The following MAGEH1 variants were observed in gnomAD, a reference collection of about 807,000 sequenced individuals.
MAGEH1 encodes the protein melanoma-associated antigen H1.
For missense variants in MAGEH1, 152 were observed against 183.0 expected (o/e 0.83, Z 0.98); for synonymous variants, 79 against 70.3 (o/e 1.12, Z -0.62).
At position 55,452,344 on chromosome X, in the gene MAGEH1, T is replaced by C; in HGVS notation, c.-31T>C. Reference sequence around the variant, plus strand: ...GGCTACAAGCATCCTTCCCTAGGACTGCTGTAAGCTTTGAGCCTCTAGCAG... The same window carrying C: ...GGCTACAAGCATCCTTCCCTAGGACCGCTGTAAGCTTTGAGCCTCTAGCAG... On this transcript the variant is annotated 5_prime_UTR_variant, in exon 1 of 1. Transcript: ENST00000342972. 8.9e-7 allele frequency: 1 copy of C among 1,124,968 alleles called. No individual in the cohort carries two copies. Among genetic ancestry groups the C allele is most frequent in the African/African-American group, 1.8e-5 (1 of 54,729 alleles). The allele number at this position is 1,124,968 out of a possible 1,213,427, so 92.7% of individuals were successfully genotyped here.
chrX:55,452,740 T>C lies in MAGEH1; in HGVS notation c.366T>C (p.Pro122=), dbSNP rs375199093. 36 of 1,211,833 alleles carry C rather than the reference T, an allele frequency of 3.0e-5. No homozygotes were observed. Among genetic ancestry groups the C allele is most frequent in the Non-Finnish European group, 4.0e-5 (36 of 895,547 alleles). ...WKVLGKLGMQ[P]GRQHSIFGDP... ...TGCTGGGGAAGTTAGGAATGCAGCC[T>C]GGACGTCAGCACAGCATCTTTGGAG... is the stretch of plus-strand genomic sequence containing the variant. Residue 122 remains proline (P), a synonymous_variant, in exon 1 of 1, where the codon CCT becomes CCC. Transcript: ENST00000342972.
rs149252179 is a variant in MAGEH1, at chrX:55,453,392, G to T, written c.*358G>T. ...TCTTGTACAGCACTTATAGAAATAA[G>T]CTGTTCTTTTGAAGTTGAAATACCC... On this transcript the variant is annotated 3_prime_UTR_variant, in exon 1 of 1. Coordinates refer to ENST00000342972, the MANE Select transcript of MAGEH1 (RefSeq NM_014061.5). 133 of 160,160 alleles carry T rather than the reference G, an allele frequency of 8.3e-4. No homozygotes were observed. Among genetic ancestry groups the T allele is most frequent in the African/African-American group, 3.8e-3 (122 of 32,287 alleles). The allele number at this position is 160,160 out of a possible 1,213,427, so 13.2% of individuals were successfully genotyped here.
rs1309117764 is a variant in MAGEH1, at chrX:55,452,839, T to G, written c.465T>G (p.Ser155Arg). ...TTTATAAACCGGTGCCCCGTAGCAG[T>G]CCGGTGGAGTATGAGTTCTTCTGGG... Reference protein sequence around the residue: ...YLIYKPVPRSSPVEYEFFWGP... With the variant: ...YLIYKPVPRSRPVEYEFFWGP... The change falls in exon 1 of 1, where the codon AGT becomes AGG. Residue 155 changes from serine to arginine, a missense_variant. Physicochemically the swap from Ser to Arg is moderately radical, Grantham distance 110 (BLOSUM62 -1). Transcript: ENST00000342972. 4 of 1,209,132 alleles carry G rather than the reference T, an allele frequency of 3.3e-6. No homozygotes were observed. The highest frequency in any genetic ancestry group is 4.5e-6 in the Non-Finnish European group (4 of 895,017).
rs1256808443 is a variant in MAGEH1 at position 55,453,211 on chromosome X, G to GA, written c.*181dup. The GA allele has an allele frequency of 1.0e-5, 4 of 387,961 alleles. No individual in the cohort carries two copies. Among genetic ancestry groups the GA allele is most frequent in the Non-Finnish European group, 1.8e-5 (4 of 226,998 alleles). 32.0% of individuals were successfully genotyped at this position (387,961 alleles called of 1,213,427 possible). A position where few individuals can be genotyped will look rare whatever the true frequency, so the allele number is the denominator to read the frequency against. On this transcript the variant is annotated 3_prime_UTR_variant, in exon 1 of 1. Coordinates refer to ENST00000342972, the MANE Select transcript of MAGEH1 (RefSeq NM_014061.5). ...AATAGAGTGTTTGCTTTTGATAATG[G>GA]AAAATTGTATTCGTTTTAAAATTCC...
chrX:55,453,281 T>C lies in MAGEH1; in HGVS notation c.*247T>C. The C allele has an allele frequency of 2.8e-6, 1 of 353,697 alleles. No homozygotes were observed. The highest frequency in any genetic ancestry group is 5.0e-6 in the Non-Finnish European group (1 of 199,266). 29.1% of individuals were successfully genotyped at this position (353,697 alleles called of 1,213,427 possible). ...ATGTTTAAAAATATAATTGAACAAA[T>C]TTTTTTCTTTGTTTCCTGTCATTGA... On this transcript the variant is annotated 3_prime_UTR_variant, in exon 1 of 1. Transcript: ENST00000342972.
chrX:55,452,505 C>T lies in MAGEH1; in HGVS notation c.131C>T (p.Pro44Leu). Residue 44 changes from proline (P) to leucine (L), a missense_variant, in exon 1 of 1, where the codon CCC becomes CTC. Physicochemically the swap from Pro to Leu is moderately conservative, Grantham distance 98 (BLOSUM62 -3). Transcript: ENST00000342972. ...PMAASVVAST[P>L]EDDLSGPEED... ...GCCGCCTCTGTGGTAGCGAGCACCC[C>T]CGAAGACGACCTGAGCGGCCCCGAG... The T allele has an allele frequency of 8.3e-7, 1 of 1,209,641 alleles. No homozygotes were observed. The highest frequency in any genetic ancestry group is 1.1e-6 in the Non-Finnish European group (1 of 894,806).
Position 55,453,110 on chromosome X carries a change from G to C in MAGEH1, c.*76G>C, listed in dbSNP as rs1207533342. ...CAAGGAGTAGATGCCAGGGTCCTAA[G>C]TTGAAAATGATGTCGATTGGGGGCG... On this transcript the variant is annotated 3_prime_UTR_variant, in exon 1 of 1. Coordinates refer to ENST00000342972, the MANE Select transcript of MAGEH1 (RefSeq NM_014061.5). 3.1e-6 allele frequency: 3 copies of C among 957,183 alleles called. No homozygotes were observed. Among genetic ancestry groups the C allele is most frequent in the Admixed American group, 6.1e-5 (2 of 32,810 alleles). The allele number at this position is 957,183 out of a possible 1,213,427, so 78.9% of individuals were successfully genotyped here. A position where few individuals can be genotyped will look rare whatever the true frequency, so the allele number is the denominator to read the frequency against.
chrX:55,453,039 A>G lies in MAGEH1; in HGVS notation c.*5A>G. 8.3e-7 allele frequency: 1 copy of G among 1,205,124 alleles called. No individual in the cohort carries two copies. The highest frequency in any genetic ancestry group is 1.1e-6 in the Non-Finnish European group (1 of 891,312). On this transcript the variant is annotated 3_prime_UTR_variant, in exon 1 of 1. Transcript: ENST00000342972. The stretch of plus-strand genomic sequence containing the variant: ...AGGGGTTATTCCGCCCCTTAAGTAG[A>G]TCTGAGGCAGACCCTTGGGGGTGTA...
Position 55,452,448 on chromosome X carries a change from T to G in MAGEH1, c.74T>G (p.Ile25Ser). The change falls in exon 1 of 1, where the codon ATC becomes AGC. Residue 25 changes from isoleucine (I) to serine (S), a missense_variant. Coordinates refer to ENST00000342972, the MANE Select transcript of MAGEH1 (RefSeq NM_014061.5). ...AAEENRNNRK[I>S]QASEASETPM... ...GAAGAGAACCGCAACAATCGCAAAA[T>G]CCAGGCCTCAGAGGCCTCCGAGACC... The G allele has an allele frequency of 8.4e-7, 1 of 1,188,736 alleles. No homozygotes were observed. Among genetic ancestry groups the G allele is most frequent in the South Asian group, 1.9e-5 (1 of 53,880 alleles).
Position 55,452,658 on chromosome X carries a change from T to C in MAGEH1, c.284T>C (p.Ile95Thr). The C allele has an allele frequency of 8.3e-7, 1 of 1,211,551 alleles. No homozygotes were observed. The highest frequency in any genetic ancestry group is 1.1e-6 in the Non-Finnish European group (1 of 895,485). The change falls in exon 1 of 1, where the codon ATA becomes ACA. Residue 95 changes from isoleucine to threonine, a missense_variant. Ile to Thr is a moderately conservative substitution (Grantham distance 89). Coordinates refer to ENST00000342972, the MANE Select transcript of MAGEH1 (RefSeq NM_014061.5). ...ACCAAGAAAAGTCTCCTGATGTCTA[T>C]ATTAGCGCTCATCTTCATCATGGGC... ...QGTKKSLLMSILALIFIMGNS... is the reference protein window; with the variant it reads ...QGTKKSLLMSTLALIFIMGNS...
In MAGEH1 at chrX:55,452,434, C is replaced by G. The variant is rs2031189676; in HGVS notation, c.60C>G (p.Arg20=). 3 of 1,180,122 alleles carry G rather than the reference C, an allele frequency of 2.5e-6. No individual in the cohort carries two copies. The highest frequency in any genetic ancestry group is 3.4e-6 in the Non-Finnish European group (3 of 883,633). ...ATGCGAGAGCCGCAGAAGAGAACCG[C>G]AACAATCGCAAAATCCAGGCCTCAG... The part of the protein sequence containing the change: ...RRNARAAEEN[R]NNRKIQASEA... Residue 20 remains arginine (R), a synonymous_variant, in exon 1 of 1, where the codon CGC becomes CGG. Coordinates refer to ENST00000342972, the MANE Select transcript of MAGEH1 (RefSeq NM_014061.5).
rs746007934 is a variant in MAGEH1 at position 55,452,832 on chromosome X, G to A, written c.458G>A (p.Arg153His). Residue 153 changes from arginine to histidine, a missense_variant, in exon 1 of 1, where the codon CGT becomes CAT. By Grantham distance (29) the Arg-to-His change is conservative (BLOSUM62 0). Coordinates refer to ENST00000342972, the MANE Select transcript of MAGEH1 (RefSeq NM_014061.5). ...RGYLIYKPVP[R>H]SSPVEYEFFW... ...TACCTGATTTATAAACCGGTGCCCC[G>A]TAGCAGTCCGGTGGAGTATGAGTTC... The A allele has an allele frequency of 1.7e-6, 2 of 1,211,512 alleles. No homozygotes were observed. Among genetic ancestry groups the A allele is most frequent in the East Asian group, 3.0e-5 (1 of 33,833 alleles).
rs773778910 is a variant in MAGEH1 at position 55,453,070 on chromosome X, G to C, written c.*36G>C. 3 of 1,154,419 alleles carry C rather than the reference G, an allele frequency of 2.6e-6. No individual in the cohort carries two copies. In the African/African-American group the frequency reaches 5.4e-5, roughly 21 times the overall value. ...GGCAGACCCTTGGGGGTGTAAAAGA[G>C]AGTCACAGGTACCCCAAGGAGTAGA... On this transcript the variant is annotated 3_prime_UTR_variant, in exon 1 of 1. Transcript: ENST00000342972.
Position 55,453,456 on chromosome X carries a change from C to A in MAGEH1, c.*422C>A. 1 of 133,971 alleles carries A rather than the reference C, an allele frequency of 7.5e-6. No individual in the cohort carries two copies. The highest frequency in any genetic ancestry group is 1.7e-5 in the Non-Finnish European group (1 of 59,940). 11.0% of individuals were successfully genotyped at this position (133,971 alleles called of 1,213,427 possible). A position where few individuals can be genotyped will look rare whatever the true frequency, so the allele number is the denominator to read the frequency against. On this transcript the variant is annotated 3_prime_UTR_variant, in exon 1 of 1. Coordinates refer to ENST00000342972, the MANE Select transcript of MAGEH1 (RefSeq NM_014061.5). ...AGAAGGATGGAGGATTTCTTCATAT[C>A]TGACGTTTCTGAAACCCTTTGTGTC...
Position 55,453,282 on chromosome X carries a change from T to G in MAGEH1, c.*248T>G, listed in dbSNP as rs990262282. On this transcript the variant is annotated 3_prime_UTR_variant, in exon 1 of 1. Transcript: ENST00000342972. Reference sequence around the variant, plus strand: ...TGTTTAAAAATATAATTGAACAAATTTTTTTCTTTGTTTCCTGTCATTGAC... The same window carrying G: ...TGTTTAAAAATATAATTGAACAAATGTTTTTCTTTGTTTCCTGTCATTGAC... The G allele has an allele frequency of 9.6e-5, 34 of 353,473 alleles. No individual in the cohort carries two copies. The highest frequency in any genetic ancestry group is 1.4e-4 in the Non-Finnish European group (28 of 199,778). 29.1% of individuals were successfully genotyped at this position (353,473 alleles called of 1,213,427 possible). A position where few individuals can be genotyped will look rare whatever the true frequency, so the allele number is the denominator to read the frequency against.
chrX:55,452,938 T>G lies in MAGEH1; in HGVS notation c.564T>G (p.Ser188=), dbSNP rs267606487. ...TGGCAAGGGTTCGTAACCGATGCTC[T>G]AAAGACTGGCCTTGTAATTATGACT... ...HFVARVRNRC[S]KDWPCNYDWD... Residue 188 remains serine (S), a synonymous_variant, in exon 1 of 1, where the codon TCT becomes TCG. Coordinates refer to ENST00000342972, the MANE Select transcript of MAGEH1 (RefSeq NM_014061.5). 8.3e-7 allele frequency: 1 copy of G among 1,211,653 alleles called. No individual in the cohort carries two copies.
chrX:55,452,784 C>T lies in MAGEH1; in HGVS notation c.410C>T (p.Thr137Ile). The T allele has an allele frequency of 8.3e-7, 1 of 1,211,788 alleles. No homozygotes were observed. The highest frequency in any genetic ancestry group is 1.7e-5 in the African/African-American group (1 of 57,765). ...SIFGDPKKIV[T>I]EEFVRRGYLI... ...TTTGGAGATCCGAAGAAGATCGTCA[C>T]AGAAGAGTTTGTGCGCAGAGGGTAC... Residue 137 changes from threonine (T) to isoleucine (I), a missense_variant, in exon 1 of 1, where the codon ACA (threonine) becomes ATA (isoleucine). Thr to Ile is a moderately conservative substitution (Grantham distance 89). Coordinates refer to ENST00000342972, the MANE Select transcript of MAGEH1 (RefSeq NM_014061.5).
chrX:55,452,161 C>A lies in MAGEH1; in HGVS notation c.-214C>A. 6.2e-6 allele frequency: 2 copies of A among 323,745 alleles called. No homozygotes were observed. The highest frequency in any genetic ancestry group is 1.1e-5 in the Non-Finnish European group (2 of 190,377). 26.7% of individuals were successfully genotyped at this position (323,745 alleles called of 1,213,427 possible). On this transcript the variant is annotated 5_prime_UTR_variant, in exon 1 of 1. Coordinates refer to ENST00000342972, the MANE Select transcript of MAGEH1 (RefSeq NM_014061.5). ...GAGCTTTCTCGCGGGCTTGCAGCTG[C>A]GGCAAGTGCTGGCGGCGGCTGCTCG... is the stretch of plus-strand genomic sequence containing the variant.
In MAGEH1 at chrX:55,453,008, G is replaced by T. The variant is rs1445991023; in HGVS notation, c.634G>T (p.Gly212Cys). 1 of 1,211,118 alleles carries T rather than the reference G, an allele frequency of 8.3e-7. No homozygotes were observed. Among genetic ancestry groups the T allele is most frequent in the East Asian group, 3.0e-5 (1 of 33,835 alleles). Reference sequence around the variant, plus strand: ...AGAGGTTGAGGCTATCCTCAATTCAGGTGCTAGGGGTTATTCCGCCCCTTA... The same window carrying T: ...AGAGGTTGAGGCTATCCTCAATTCATGTGCTAGGGGTTATTCCGCCCCTTA... ...DAEVEAILNS[G>C]ARGYSAP Residue 212 changes from glycine (G) to cysteine (C), a missense_variant, in exon 1 of 1, where the codon GGT becomes TGT. Physicochemically the swap from Gly to Cys is radical, Grantham distance 159 (BLOSUM62 -3). Transcript: ENST00000342972.
Sources: gnomAD v4.1 joint callset for allele counts on GRCh38, gnomAD v4.1.1 for gene constraint, MANE v1.5 for transcripts, NCBI Gene and HGNC (gene_info 2026-07-23, HGNC 2026-07-21) for gene names.